The following UBAP2 variants were observed in gnomAD, a reference collection of about 807,000 sequenced individuals.
UBAP2 encodes the protein ubiquitin associated protein 2.
In UBAP2, 75 loss-of-function variants were observed where a neutral mutation model predicts 139.6. The ratio of observed to expected loss-of-function variants is 0.54; its 90% CI spans 0.45 to 0.65. The LOEUF (loss-of-function observed/expected upper bound fraction) is 0.65. Among genes scored for constraint, UBAP2 ranks in the 30% least tolerant of loss-of-function variants. The probability of loss-of-function intolerance (pLI) is 0.00; values close to 1 mark genes in which losing one functional copy is unlikely to be tolerated. For synonymous variants in UBAP2, 526 were observed against 526.2 expected (o/e 1.00, Z 0.01); for missense variants, 1,368 against 1,369.6 (o/e 1.00, Z 0.02).
At position 33,981,768 on chromosome 9, in the gene UBAP2, TAGGTAGGA is replaced by T. The variant is rs201096604; in HGVS notation, c.520+4984_520+4991del. Among the ~76,000 whole-genome samples the T allele has an allele frequency of 8.1e-3, 1,065 of 130,776 alleles. 4 individuals carry two copies. Among genetic ancestry groups the T allele is most frequent in the African/African-American group, 0.014 (483 of 33,934 alleles). The allele number at this position is 130,776 out of a possible 152,430, so 85.8% of individuals were successfully genotyped here. Reference sequence around the variant, plus strand: ...GATGGAAGGATGGAAGGTAGGTAGGTAGGTAGGAAGGTAGGAAGGAAGGAAGGAAGGAA... The same window carrying T: ...GATGGAAGGATGGAAGGTAGGTAGGTAGGTAGGAAGGAAGGAAGGAAGGAA... On this transcript the variant is annotated intron_variant, in intron 6 of 28. Transcript: ENST00000379238.
At chr9:34,030,289 C>CA (rs1407268941) in intron 1 of UBAP2, among the ~76,000 whole-genome samples, 28 of 151,498 alleles carry the variant, frequency 1.8e-4, no homozygotes, top group Non-Finnish European at 3.5e-4. Flanking sequence ...ACTAAAAATA[C>CA]AAAAACAAAA....
At chr9:33,967,122 G>A (rs1827527410) in intron 8 of UBAP2, among the ~76,000 whole-genome samples, 1 of 151,894 alleles carries the variant, frequency 6.6e-6, no homozygotes, top group African/African-American at 2.4e-5. Context: ...CTAGGCATCT[G>A]GTGTTTTCTG....
At chr9:34,045,395 G>C (rs1827488563) in intron 1 of UBAP2, among the ~76,000 whole-genome samples, 1 of 150,108 alleles carries the variant, frequency 6.7e-6, no homozygotes. Context: ...ATTTTTTTTT[G>C]AGACGGAGTC....
intron 12 of UBAP2, 45 bp downstream of exon 12, chr9:33,953,240 T>C (rs773978735): frequency 7.2e-6 from 11 of 1,517,892 alleles, no homozygotes; most frequent in Middle Eastern, 3.5e-4. Context: ...CATTTGCTAA[T>C]GGGTATATTT....
At chr9:34,036,657 C>T (rs1826400166) in intron 1 of UBAP2, among the ~76,000 whole-genome samples, 3 of 152,158 alleles carry the variant, frequency 2.0e-5, no homozygotes, top group African/African-American at 7.2e-5. Context: ...TTGTTGACAA[C>T]TGGCAGCAAT....
In UBAP2 at chr9:33,933,184, CAG is replaced by C. The variant is rs1207441931; in HGVS notation, c.2108+304_2108+305del. ...TCAGTGACATGGGCCCAGCGATGCC[CAG>C]AGAGGCTAGGCTCAGGCACCCTCTG... On this transcript the variant is annotated intron_variant, in intron 18 of 28. Coordinates refer to ENST00000379238, the MANE Select transcript of UBAP2 (RefSeq NM_001370062.2). 2.6e-5 allele frequency among the ~76,000 whole-genome samples: 4 copies of C among 152,280 alleles called. No individual in the cohort carries two copies. The South Asian group carries it at 8.3e-4, about 32-fold the overall frequency.
At chr9:33,971,530 C>A in intron 8 of UBAP2, 121 bp downstream of exon 8, 1 of 670,450 alleles carries the variant, frequency 1.5e-6, no homozygotes, top group Non-Finnish European at 2.7e-6. Flanking sequence ...AGAGGTAGGA[C>A]AGTAGCCTGT....
rs144315178 is a variant in UBAP2, at chr9:33,950,981, T to C, written c.1056+2304A>G. Among the ~76,000 whole-genome samples, 20 of 152,322 alleles carry C rather than the reference T, an allele frequency of 1.3e-4. No homozygotes were observed. In the East Asian group the frequency reaches 3.9e-3, roughly 29 times the overall value. On this transcript the variant is annotated intron_variant, in intron 12 of 28. Transcript: ENST00000379238. Reference sequence around the variant, plus strand: ...TGAGGACATGTTTTGTTTTAGAGACTTGGGAAATATCATCATCACTTCTGT... The same window carrying C: ...TGAGGACATGTTTTGTTTTAGAGACCTGGGAAATATCATCATCACTTCTGT...
chr9:34,020,577 TG>T (rs1233317205), intron 1 of UBAP2, among the ~76,000 whole-genome samples: 1 of 151,870 alleles, frequency 6.6e-6, no homozygotes, highest in Admixed American at 6.6e-5. Context: ...CCACCAGCCT[TG>T]GCCTCCCAAA....
chr9:33,982,421 A>T (rs1820840488), intron 6 of UBAP2, among the ~76,000 whole-genome samples: 1 of 152,202 alleles, frequency 6.6e-6, no homozygotes, highest in African/African-American at 2.4e-5. Flanking sequence ...ACAAAAACCA[A>T]AACAAATAAA....
chr9:34,010,326 A>G (rs572135528), intron 2 of UBAP2, among the ~76,000 whole-genome samples: 1 of 147,432 alleles, frequency 6.8e-6, no homozygotes, highest in African/African-American at 2.5e-5. Context: ...CAGGAGGCTG[A>G]GGTGGGAAAA....
intron 4 of UBAP2, chr9:33,994,845 T>C (rs1396773960): frequency 6.6e-6 from 1 of 152,232 alleles, no homozygotes; most frequent in Non-Finnish European, 1.5e-5. Flanking sequence ...ACAGTCATTT[T>C]AGCTTTCAGT....
Position 33,996,253 on chromosome 9 carries a change from G to T in UBAP2, c.258C>A (p.Ile86=). The T allele has an allele frequency of 6.2e-7, 1 of 1,613,020 alleles. No homozygotes were observed. Among genetic ancestry groups the T allele is most frequent in the Non-Finnish European group, 8.5e-7 (1 of 1,179,550 alleles). The change falls in exon 4 of 29, where the codon ATC becomes ATA. Residue 86 remains isoleucine, a synonymous_variant. Transcript: ENST00000379238. ...CTGAATTCCCTTCCAGCAATATATT[G>T]ATAGCTTTGTTCACATCTCCATTAC... ...HDCNGDVNKA[I]NILLEGNSDT...
chr9:34,022,053 T>A (rs1021848570), intron 1 of UBAP2, among the ~76,000 whole-genome samples: 1 of 152,112 alleles, frequency 6.6e-6, no homozygotes, highest in Admixed American at 6.6e-5. Context: ...AAGACCAGCC[T>A]GGCCAACGTG....
chr9:33,982,950 G>A (rs2131117474), intron 6 of UBAP2, among the ~76,000 whole-genome samples: 1 of 151,436 alleles, frequency 6.6e-6, no homozygotes, highest in African/African-American at 2.4e-5. Context: ...CATGATCTCG[G>A]CTCACAGCAA....
Position 33,922,556 on chromosome 9 carries a change from T to C in UBAP2, c.3308A>G (p.Lys1103Arg). The C allele has an allele frequency of 6.2e-7, 1 of 1,613,890 alleles. No individual in the cohort carries two copies. The highest frequency in any genetic ancestry group is 8.5e-7 in the Non-Finnish European group (1 of 1,179,974). The part of the protein sequence containing the change: ...QRSQPSSLQP[K>R]SQASKPAYGN... ...GTAGGCAGGTTTGGAGGCTTGAGAC[T>C]TGGGCTGCAGGGAGCTGGGCTGGCT... Residue 1103 changes from lysine (K) to arginine (R), a missense_variant, in exon 29 of 29, where the codon AAG becomes AGG. Lys to Arg is a conservative substitution (Grantham distance 26). Transcript: ENST00000379238.
intron 6 of UBAP2, among the ~76,000 whole-genome samples, chr9:33,979,729 A>C (rs1820470614): frequency 1.3e-5 from 2 of 150,076 alleles, no homozygotes; most frequent in African/African-American, 4.9e-5. Context: ...AAAAAATACA[A>C]GAAGTAGCTG....
At chr9:34,020,662 T>TC (rs1824861782) in intron 1 of UBAP2, among the ~76,000 whole-genome samples, 1 of 57,070 alleles carries the variant, frequency 1.8e-5, no homozygotes. Flanking sequence ...GAACTCTGTT[T>TC]CCTTTTTTTT....
chr9:34,010,427 TAAAAAAAAA>T (rs57695373), intron 2 of UBAP2, among the ~76,000 whole-genome samples: 2 of 108,342 alleles, frequency 1.8e-5, no homozygotes, highest in Non-Finnish European at 1.8e-5. Context: ...CTCTGCCTCA[TAAAAAAAAA>T]AAAAAAAAAA....
Sources: allele counts gnomAD v4.1 joint callset (sites outside exome capture counted in the v4.1 genomes callset), GRCh38; gene constraint gnomAD v4.1.1; transcripts MANE v1.5; gene names NCBI Gene and HGNC (gene_info 2026-07-23, HGNC 2026-07-21).